ARFGAP3: variants seen among roughly 807,000 people sequenced by gnomAD.
The protein encoded by ARFGAP3 is ARF GTPase activating protein 3.
A neutral mutation model predicts 75.0 loss-of-function variants in ARFGAP3; 72 were observed. The ratio of observed to expected loss-of-function variants is 0.96; its 90% CI spans 0.79 to 1.17. The LOEUF is 1.17. ARFGAP3 is among the 50% of genes most tolerant of loss of function. The pLI, the probability that ARFGAP3 is intolerant of heterozygous loss-of-function variation, is 0.00. For missense variants in ARFGAP3, 620 were observed against 626.6 expected (o/e 0.99, Z 0.11); for synonymous variants, 221 against 217.9 (o/e 1.01, Z -0.13).
intron 9 of ARFGAP3, among the ~76,000 whole-genome samples, 185 bp downstream of exon 9, chr22:42,822,085 G>A (rs1162322172): frequency 2.0e-5 from 3 of 152,088 alleles, no homozygotes; most frequent in Middle Eastern, 3.4e-3. Flanking sequence ...GCAGAGTGTT[G>A]CTGCCCCCAT....
In ARFGAP3 at chr22:42,828,471, G is replaced by A. The variant is rs557147977; in HGVS notation, c.566-1472C>T. On this transcript the variant is annotated intron_variant, in intron 6 of 15. Transcript: ENST00000263245. ...CTTGGGAGGCTGAGACAGGAGAATC[G>A]CTTGAACCCGGGATGCAGAGGTTGT... Among the ~76,000 whole-genome samples, 8 of 151,892 alleles carry A rather than the reference G, an allele frequency of 5.3e-5. No homozygotes were observed. The East Asian group carries it at 5.9e-4, about 11-fold the overall frequency.
rs1318467960 is a variant in ARFGAP3 at position 42,807,170 on chromosome 22, A to G, written c.1321-7T>C. On this transcript the variant is annotated splice_region_variant and splice_polypyrimidine_tract_variant and intron_variant, in intron 13 of 15. Transcript: ENST00000263245. ...GGCGGGCCCTGGTCTCATACTAGAG[A>G]AGACAAGGAAAAGGAAATGTTAGGC... 2 of 1,602,844 alleles carry G rather than the reference A, an allele frequency of 1.2e-6. No homozygotes were observed. Among genetic ancestry groups the G allele is most frequent in the Non-Finnish European group, 1.7e-6 (2 of 1,175,586 alleles).
rs142072834 is a variant in ARFGAP3, at chr22:42,852,825, C to T, written c.69+4289G>A. On this transcript the variant is annotated intron_variant, in intron 1 of 15. Transcript: ENST00000263245. ...TGTTGCCCAGGCTGGAGTGCAGTGG[C>T]GTGACCTTGGTTCACTGCAACCTCT... 6.1e-3 allele frequency among the ~76,000 whole-genome samples: 933 copies of T among 152,216 alleles called. 11 individuals carry two copies. Among genetic ancestry groups the T allele is most frequent in the African/African-American group, 0.022 (897 of 41,530 alleles).
chr22:42,838,543 C>A (rs568255962), intron 3 of ARFGAP3, among the ~76,000 whole-genome samples: 3 of 151,780 alleles, frequency 2.0e-5, no homozygotes, highest in Admixed American at 6.6e-5. Flanking sequence ...GTGATCCTCT[C>A]GCCTCAGCCT....
chr22:42,849,419 G>A (rs114991339), intron 1 of ARFGAP3, among the ~76,000 whole-genome samples: 1,612 of 152,232 alleles, frequency 0.011, 29 homozygotes, highest in African/African-American at 0.037. Context: ...CCCACTGAGG[G>A]CACTGAGAGC....
In ARFGAP3 at chr22:42,797,479, G is replaced by C. The variant is rs1335453324; in HGVS notation, c.*109C>G. 3 of 1,398,324 alleles carry C rather than the reference G, an allele frequency of 2.1e-6. No individual in the cohort carries two copies. In the East Asian group the frequency reaches 6.9e-5, roughly 32 times the overall value. 86.6% of individuals were successfully genotyped at this position (1,398,324 alleles called of 1,614,324 possible). On this transcript the variant is annotated 3_prime_UTR_variant, in exon 16 of 16. Coordinates refer to ENST00000263245, the MANE Select transcript of ARFGAP3 (RefSeq NM_014570.5). Reference sequence around the variant, plus strand: ...TCAGAAACATATACCATATGAAAAAGTAGCAAAACAATCTGCAAAACTATC... The same window carrying C: ...TCAGAAACATATACCATATGAAAAACTAGCAAAACAATCTGCAAAACTATC...
chr22:42,822,206 G>T, intron 9 of ARFGAP3, 64 bp downstream of exon 9: 2 of 1,365,244 alleles, frequency 1.5e-6, no homozygotes, highest in African/African-American at 1.5e-5. Context: ...CATTTGGAAA[G>T]CAAAATCTTG....
At chr22:42,826,584 G>C (rs1926048583) in intron 7 of ARFGAP3, among the ~76,000 whole-genome samples, 1 of 151,778 alleles carries the variant, frequency 6.6e-6, no homozygotes, top group Non-Finnish European at 1.5e-5. Context: ...TTGTTTTGTA[G>C]AGCTAAGGTT....
intron 6 of ARFGAP3, among the ~76,000 whole-genome samples, chr22:42,827,808 GCA>G (rs1926106850): frequency 6.6e-6 from 1 of 152,108 alleles, no homozygotes; most frequent in Non-Finnish European, 1.5e-5. Context: ...TAAAAGCCTG[GCA>G]CAGTGGCTCA....
rs547842706 is a variant in ARFGAP3 at position 42,835,198 on chromosome 22, G to A, written c.393+164C>T. On this transcript the variant is annotated intron_variant, in intron 4 of 15. Transcript: ENST00000263245. The stretch of plus-strand genomic sequence containing the variant: ...TAGTATTCACTAATCCAGTACTCAT[G>A]ATGAATTTACAGAACATAACTACTT... Among the ~76,000 whole-genome samples the A allele has an allele frequency of 2.0e-5, 3 of 152,336 alleles. No homozygotes were observed. In the South Asian group the frequency reaches 6.2e-4, roughly 32 times the overall value.
chr22:42,799,860 A>G (rs1334100542), intron 14 of ARFGAP3, among the ~76,000 whole-genome samples: 1 of 152,188 alleles, frequency 6.6e-6, no homozygotes. Context: ...TGTGACTTAG[A>G]AGCCAAGCTC....
intron 13 of ARFGAP3, among the ~76,000 whole-genome samples, chr22:42,808,397 CA>C (rs200499015): frequency 1.1e-3 from 131 of 121,938 alleles, no homozygotes; most frequent in East Asian, 2.0e-3. Context: ...GGCTCCGTCT[CA>C]AAAAAAAAAA....
chr22:42,797,423 A>T lies in ARFGAP3; in HGVS notation c.*165T>A. ...ATCACAGGAAAGCTCCTACATCAGA[A>T]CTCAGAATTTCTCAAAAGAAATATT... On this transcript the variant is annotated 3_prime_UTR_variant, in exon 16 of 16. Coordinates refer to ENST00000263245, the MANE Select transcript of ARFGAP3 (RefSeq NM_014570.5). The T allele has an allele frequency of 1.2e-6, 1 of 859,686 alleles. No homozygotes were observed. The highest frequency in any genetic ancestry group is 1.8e-6 in the Non-Finnish European group (1 of 549,804). 53.3% of individuals were successfully genotyped at this position (859,686 alleles called of 1,614,324 possible). A position where few individuals can be genotyped will look rare whatever the true frequency, so the allele number is the denominator to read the frequency against.
chr22:42,806,779 T>C (rs1467156492), intron 14 of ARFGAP3, among the ~76,000 whole-genome samples: 3 of 152,286 alleles, frequency 2.0e-5, no homozygotes, highest in African/African-American at 7.2e-5. Context: ...AAGGCTAAGA[T>C]AGCACATGGT....
chr22:42,835,180 C>A (rs1926463335), intron 4 of ARFGAP3, among the ~76,000 whole-genome samples, 182 bp downstream of exon 4: 1 of 152,166 alleles, frequency 6.6e-6, no homozygotes, highest in Non-Finnish European at 1.5e-5. Context: ...TTTTAGTATT[C>A]ACTAATCCAG....
intron 1 of ARFGAP3, among the ~76,000 whole-genome samples, chr22:42,856,495 G>A (rs1404944433): frequency 6.6e-6 from 1 of 151,784 alleles, no homozygotes; most frequent in Non-Finnish European, 1.5e-5. Context: ...AACAGCCTCT[G>A]GAGACAAAAA....
At chr22:42,848,545 G>A (rs1435930038) in intron 1 of ARFGAP3, among the ~76,000 whole-genome samples, 6 of 152,242 alleles carry the variant, frequency 3.9e-5, no homozygotes, top group Non-Finnish European at 8.8e-5. Flanking sequence ...ACTATACATA[G>A]TGAAGAGAAT....
chr22:42,840,452 T>C (rs1031548759), intron 3 of ARFGAP3, among the ~76,000 whole-genome samples: 1 of 152,064 alleles, frequency 6.6e-6, no homozygotes, highest in Non-Finnish European at 1.5e-5. Flanking sequence ...AGTCTCGCTC[T>C]GTCACCCAGG....
chr22:42,797,219 G>C lies in ARFGAP3; in HGVS notation c.*369C>G, dbSNP rs1924641373. Reference sequence around the variant, plus strand: ...CATCCGCTGATTCTGGCAGCCCTGAGCCCATGTGTCACATGGAGACCTCTC... The same window carrying C: ...CATCCGCTGATTCTGGCAGCCCTGACCCCATGTGTCACATGGAGACCTCTC... On this transcript the variant is annotated 3_prime_UTR_variant, in exon 16 of 16. Coordinates refer to ENST00000263245, the MANE Select transcript of ARFGAP3 (RefSeq NM_014570.5). 1 of 236,836 alleles carries C rather than the reference G, an allele frequency of 4.2e-6. No homozygotes were observed. Among genetic ancestry groups the C allele is most frequent in the South Asian group, 6.9e-5 (1 of 14,480 alleles). 14.7% of individuals were successfully genotyped at this position (236,836 alleles called of 1,614,324 possible).
Sources: gnomAD v4.1 joint callset for allele counts (sites outside exome capture counted in the v4.1 genomes callset) on GRCh38, gnomAD v4.1.1 for gene constraint, MANE v1.5 for transcripts, NCBI Gene and HGNC (gene_info 2026-07-23, HGNC 2026-07-21) for gene names.